PCDHA11: variants seen among roughly 807,000 people sequenced by gnomAD.
PCDHA11 encodes the protein protocadherin alpha 11.
Under a neutral mutation model 70.3 loss-of-function variants are expected in PCDHA11, and 61 were observed. That is an observed-to-expected ratio of 0.87 (90% confidence interval 0.71 to 1.07). The LOEUF (loss-of-function observed/expected upper bound fraction) is 1.07. Ranked by LOEUF, PCDHA11 falls within the 50% of genes least tolerant of loss-of-function variation. PCDHA11 has a pLI of 0.00. For synonymous variants in PCDHA11, 633 were observed against 555.1 expected (o/e 1.14, Z -1.97); for missense variants, 1,324 against 1,237.5 (o/e 1.07, Z -1.05).
At chr5:140,892,111 A>G (rs918433393) in intron 1 of PCDHA11, among the ~76,000 whole-genome samples, 3 of 152,206 alleles carry the variant, frequency 2.0e-5, no homozygotes, top group Admixed American at 2.0e-4. Context: ...CTTGGCATTT[A>G]TATCTGGAAC....
intron 1 of PCDHA11, among the ~76,000 whole-genome samples, chr5:140,907,623 G>T (rs553186767): frequency 6.6e-6 from 1 of 152,352 alleles, no homozygotes; most frequent in East Asian, 1.9e-4. Context: ...AGGGCTCAGT[G>T]TTGGTCTCTG....
intron 1 of PCDHA11, among the ~76,000 whole-genome samples, chr5:140,887,600 G>A (rs1306659335): frequency 6.6e-6 from 1 of 151,812 alleles, no homozygotes; most frequent in African/African-American, 2.4e-5. Context: ...TGATTGTGAT[G>A]TGCTTTAGTA....
rs1246720296 is a variant in PCDHA11, at chr5:140,996,308, AAGGGGGG to A, written c.2540-13314_2540-13308del. 2.6e-5 allele frequency among the ~76,000 whole-genome samples: 4 copies of A among 152,358 alleles called. No individual in the cohort carries two copies. The East Asian group carries it at 5.8e-4, about 22-fold the overall frequency. On this transcript the variant is annotated intron_variant, in intron 3 of 3. Coordinates refer to ENST00000398640, the MANE Select transcript of PCDHA11 (RefSeq NM_018902.5). ...CAAGAAGCACAGATTGTAACAAAGT[AAGGGGGG>A]AGGGTAGAGAAGAAAAGTTTGAAAA... is the stretch of plus-strand genomic sequence containing the variant.
At chr5:140,920,011 C>T (rs782647025) in intron 1 of PCDHA11, among the ~76,000 whole-genome samples, 2 of 152,088 alleles carry the variant, frequency 1.3e-5, no homozygotes, top group Non-Finnish European at 2.9e-5. Context: ...AAAGGCCATG[C>T]GAAGATGGAG....
At chr5:140,893,616 G>C (rs1431019657) in intron 1 of PCDHA11, among the ~76,000 whole-genome samples, 3 of 152,188 alleles carry the variant, frequency 2.0e-5, no homozygotes, top group African/African-American at 7.2e-5. Context: ...CATTTCTGAA[G>C]TATAGCTCTG....
At chr5:140,930,169 A>G (rs1312219690) in intron 1 of PCDHA11, 1 of 152,184 alleles carries the variant, frequency 6.6e-6, no homozygotes, top group Non-Finnish European at 1.5e-5. Context: ...AATATTTTAC[A>G]AAGAGGAAAG....
chr5:140,949,961 G>A lies in PCDHA11; in HGVS notation c.2392-28988G>A, dbSNP rs373865946. ...TTGCATTTTTTAGTGGTTGCTGTAA[G>A]GATTACAGCATACATACTTAACTTT... On this transcript the variant is annotated intron_variant, in intron 1 of 3. Transcript: ENST00000398640. Among the ~76,000 whole-genome samples, 68 of 151,658 alleles carry A rather than the reference G, an allele frequency of 4.5e-4. 1 individual carries two copies. The East Asian group carries it at 0.012, about 28-fold the overall frequency.
intron 1 of PCDHA11, among the ~76,000 whole-genome samples, chr5:140,907,507 T>C (rs1358466312): frequency 2.0e-5 from 3 of 152,230 alleles, no homozygotes; most frequent in Admixed American, 6.5e-5. Context: ...TAAGTGTCTA[T>C]TCCAGTGAGG....
intron 1 of PCDHA11, among the ~76,000 whole-genome samples, chr5:140,918,298 A>G (rs2078622610): frequency 6.6e-6 from 1 of 152,150 alleles, no homozygotes; most frequent in Non-Finnish European, 1.5e-5. Context: ...GGCAGAGAAT[A>G]TAGGGTTTTC....
intron 1 of PCDHA11, chr5:140,927,600 C>T (rs1179735453): frequency 1.9e-6 from 3 of 1,614,042 alleles, no homozygotes; most frequent in African/African-American, 1.3e-5. Flanking sequence ...TTGAGCGCTC[C>T]GTATACCGCA....
At chr5:140,994,733 C>G (rs2097647887) in intron 3 of PCDHA11, among the ~76,000 whole-genome samples, 1 of 152,034 alleles carries the variant, frequency 6.6e-6, no homozygotes, top group Non-Finnish European at 1.5e-5. Context: ...CTGGGTATTG[C>G]AGGATGGCAA....
intron 1 of PCDHA11, among the ~76,000 whole-genome samples, chr5:140,913,413 G>A (rs976186231): frequency 3.3e-5 from 5 of 152,050 alleles, no homozygotes; most frequent in Non-Finnish European, 5.9e-5. Flanking sequence ...TTGAATTCCT[G>A]CAGTATCAGT....
At chr5:140,930,245 C>T (rs1355884137) in intron 1 of PCDHA11, 2 of 152,164 alleles carry the variant, frequency 1.3e-5, no homozygotes, top group African/African-American at 4.8e-5. Flanking sequence ...AAAGTCCATT[C>T]AACTTGGATT....
chr5:140,912,533 A>G (rs570012858), intron 1 of PCDHA11, among the ~76,000 whole-genome samples: 1 of 152,224 alleles, frequency 6.6e-6, no homozygotes, highest in African/African-American at 2.4e-5. Flanking sequence ...AGAGTACATG[A>G]TCATATTGTC....
intron 1 of PCDHA11, among the ~76,000 whole-genome samples, chr5:140,916,791 G>A (rs1159820496): frequency 6.6e-6 from 1 of 152,128 alleles, no homozygotes; most frequent in Admixed American, 6.5e-5. Flanking sequence ...AGCTGCCCCA[G>A]CTGATGACTT....
chr5:140,951,008 G>A (rs563188363), intron 1 of PCDHA11, among the ~76,000 whole-genome samples: 2 of 151,974 alleles, frequency 1.3e-5, no homozygotes, highest in South Asian at 4.2e-4. Flanking sequence ...TTTTTCCCAA[G>A]ATCAGGCAGT....
chr5:141,001,435 A>G (rs1377491641), intron 3 of PCDHA11, among the ~76,000 whole-genome samples: 4 of 152,202 alleles, frequency 2.6e-5, no homozygotes, highest in African/African-American at 7.2e-5. Flanking sequence ...TTCCATGGAA[A>G]AGTCTTTCCA....
chr5:140,923,527 C>T (rs2081405445), intron 1 of PCDHA11, among the ~76,000 whole-genome samples: 1 of 151,652 alleles, frequency 6.6e-6, no homozygotes, highest in South Asian at 2.1e-4. Context: ...AGATTCTGTC[C>T]CAAAAAAAGG....
At chr5:140,937,546 G>A (rs1584916949) in intron 1 of PCDHA11, among the ~76,000 whole-genome samples, 1 of 152,050 alleles carries the variant, frequency 6.6e-6, no homozygotes, top group Non-Finnish European at 1.5e-5. Flanking sequence ...GAACCTGCGA[G>A]GCAGAGGTTG....
Sources: allele counts gnomAD v4.1 joint callset (sites outside exome capture counted in the v4.1 genomes callset), GRCh38; gene constraint gnomAD v4.1.1; transcripts MANE v1.5; gene names NCBI Gene and HGNC (gene_info 2026-07-23, HGNC 2026-07-21).